MLF1: variants seen among roughly 807,000 people sequenced by gnomAD.
MLF1 encodes the protein myeloid leukemia factor 1.
A neutral mutation model predicts 38.3 loss-of-function variants in MLF1; 37 were observed. The ratio of observed to expected loss-of-function variants is 0.96; its 90% CI spans 0.74 to 1.27. The LOEUF (loss-of-function observed/expected upper bound fraction) is 1.27. Among genes scored for constraint, MLF1 ranks in the 50% most tolerant of loss-of-function variants. The pLI, the probability that MLF1 is intolerant of heterozygous loss-of-function variation, is 0.00. For missense variants in MLF1, 331 were observed against 349.2 expected (o/e 0.95, Z 0.42); for synonymous variants, 95 against 106.5 (o/e 0.89, Z 0.66).
At position 158,571,315 on chromosome 3, in the gene MLF1, G is replaced by C. The variant is rs745394246; in HGVS notation, c.15G>C (p.Leu5=). 47 of 1,612,900 alleles carry C rather than the reference G, an allele frequency of 2.9e-5. No individual in the cohort carries two copies. The highest frequency in any genetic ancestry group is 3.3e-4 in the Middle Eastern group (2 of 6,082). The change falls in exon 1 of 8, where the codon CTG becomes CTC. Residue 5 remains leucine, a synonymous_variant. Coordinates refer to ENST00000466246, the MANE Select transcript of MLF1 (RefSeq NM_001369783.1). MFRM[L]NSSFEDDPFF... is the part of the protein sequence containing the mutation. Reference sequence around the variant, plus strand: ...ACAGAGCCAGAATGTTCAGGATGCTGAACAGCAGTTTTGAGGATGACCCCT... The same window carrying C: ...ACAGAGCCAGAATGTTCAGGATGCTCAACAGCAGTTTTGAGGATGACCCCT...
chr3:158,585,347 C>T (rs1476390164), intron 1 of MLF1, among the ~76,000 whole-genome samples: 3 of 152,152 alleles, frequency 2.0e-5, no homozygotes, highest in Admixed American at 2.0e-4. Context: ...TCTGCACATA[C>T]TGGTTCCCCT....
chr3:158,597,475 A>G (rs1576681791), intron 4 of MLF1, among the ~76,000 whole-genome samples: 1 of 152,258 alleles, frequency 6.6e-6, no homozygotes, highest in Admixed American at 6.5e-5. Flanking sequence ...GTCCAAATAA[A>G]CTAGTACTAT....
intron 4 of MLF1, 59 bp from the exon 5 acceptor site, chr3:158,598,019 ACT>A: frequency 6.4e-7 from 1 of 1,559,744 alleles, no homozygotes; most frequent in Admixed American, 1.8e-5. Flanking sequence ...ACTTATTTGA[ACT>A]CTCTGGCAAT....
intron 1 of MLF1, among the ~76,000 whole-genome samples, chr3:158,575,313 A>G (rs145948224): frequency 2.8e-3 from 429 of 152,256 alleles, no homozygotes; most frequent in Admixed American, 6.9e-3. Flanking sequence ...AGTGGCCAGA[A>G]CTCTGCTTAC....
rs112630390 is a variant in MLF1 at position 158,578,505 on chromosome 3, A to AACAC, written c.47+7179_47+7182dup. The stretch of plus-strand genomic sequence containing the variant: ...GTACGTATGTACATACATACATACA[A>AACAC]ACACACACACACACACACACACACG... On this transcript the variant is annotated intron_variant, in intron 1 of 7. Coordinates refer to ENST00000466246, the MANE Select transcript of MLF1 (RefSeq NM_001369783.1). Among the ~76,000 whole-genome samples, 402 of 147,382 alleles carry AACAC rather than the reference A, an allele frequency of 2.7e-3. 1 individual carries two copies. The highest frequency in any genetic ancestry group is 9.1e-3 in the African/African-American group (369 of 40,454).
intron 7 of MLF1, among the ~76,000 whole-genome samples, chr3:158,603,323 G>C (rs1720068231): frequency 6.6e-6 from 1 of 152,000 alleles, no homozygotes; most frequent in South Asian, 2.1e-4. Flanking sequence ...AAGGGGAGAG[G>C]GGCTCTATTT....
Position 158,602,827 on chromosome 3 carries a change from G to T in MLF1, c.634G>T (p.Glu212Ter). The change falls in exon 7 of 8, where the codon GAG becomes TAG. Residue 212 changes from glutamate to a stop codon, truncating the protein, a stop_gained. Transcript: ENST00000466246. LOFTEE classifies it high-confidence loss of function. Reference sequence around the variant, plus strand: ...CATAGGTGATGCTCATGCTTTTGATGAGGAGTGGCAAAGTGAGGTTTTGAA... The same window carrying T: ...CATAGGTGATGCTCATGCTTTTGATTAGGAGTGGCAAAGTGAGGTTTTGAA... ...MNESDAHAFD[E>*]EWQSEVLKYK... 1 of 1,613,410 alleles carries T rather than the reference G, an allele frequency of 6.2e-7. No individual in the cohort carries two copies. The highest frequency in any genetic ancestry group is 2.2e-5 in the East Asian group (1 of 44,838).
At chr3:158,588,017 A>AT (rs1717506386) in intron 1 of MLF1, among the ~76,000 whole-genome samples, 1 of 152,004 alleles carries the variant, frequency 6.6e-6, no homozygotes, top group Admixed American at 6.5e-5. Flanking sequence ...AAATAAATTA[A>AT]TTAAATTAAA....
At chr3:158,581,574 T>C (rs185945668) in intron 1 of MLF1, among the ~76,000 whole-genome samples, 8 of 152,282 alleles carry the variant, frequency 5.3e-5, no homozygotes, top group African/African-American at 1.9e-4. Flanking sequence ...CAGAACACTT[T>C]GCCTCCCACA....
In MLF1 at chr3:158,598,021, T is replaced by A. The variant is rs149189200; in HGVS notation, c.325-59T>A. On this transcript the variant is annotated intron_variant, in intron 4 of 7. Coordinates refer to ENST00000466246, the MANE Select transcript of MLF1 (RefSeq NM_001369783.1). ...AGCTAGTGTTGTTACTTATTTGAAC[T>A]CTCTGGCAATAATTATTTATATTTG... 7.8e-4 allele frequency: 1,226 copies of A among 1,569,714 alleles called. 13 individuals are homozygous for A. The African/African-American group carries it at 0.013, about 17-fold the overall frequency.
intron 4 of MLF1, among the ~76,000 whole-genome samples, chr3:158,597,328 A>T (rs889655549): frequency 3.3e-5 from 5 of 151,850 alleles, no homozygotes; most frequent in African/African-American, 4.8e-5. Context: ...TGAACATTTT[A>T]TATGAATTTG....
At chr3:158,603,041 T>A in intron 7 of MLF1, 102 bp downstream of exon 7, 1 of 969,668 alleles carries the variant, frequency 1.0e-6, no homozygotes, top group Non-Finnish European at 1.5e-6. Context: ...TCATCCAAAT[T>A]GTATCCACAG....
At chr3:158,602,544 C>T (rs1002695971) in intron 6 of MLF1, among the ~76,000 whole-genome samples, 1 of 152,028 alleles carries the variant, frequency 6.6e-6, no homozygotes, top group African/African-American at 2.4e-5. Flanking sequence ...GTCAGCTGGT[C>T]CATTGGGTAG....
At chr3:158,596,809 C>A in intron 3 of MLF1, 53 bp from the exon 4 acceptor site, 2 of 1,171,066 alleles carry the variant, frequency 1.7e-6, no homozygotes, top group Non-Finnish European at 2.5e-6. Context: ...GATGTATTTG[C>A]ATCTTTTGTG....
chr3:158,604,477 A>T (rs1720238838), intron 7 of MLF1, among the ~76,000 whole-genome samples: 1 of 152,236 alleles, frequency 6.6e-6, no homozygotes, highest in African/African-American at 2.4e-5. Flanking sequence ...CATTGCTGGT[A>T]CAACTGAAGA....
chr3:158,605,243 C>A lies in MLF1; in HGVS notation c.*41C>A. 6.7e-7 allele frequency: 1 copy of A among 1,494,526 alleles called. No individual in the cohort carries two copies. Among genetic ancestry groups the A allele is most frequent in the Non-Finnish European group, 9.2e-7 (1 of 1,081,764 alleles). The allele number at this position is 1,494,526 out of a possible 1,614,324, so 92.6% of individuals were successfully genotyped here. A position where few individuals can be genotyped will look rare whatever the true frequency, so the allele number is the denominator to read the frequency against. ...ATTTGTTTAGTTTTGATTGTTTTAACAGTTAGTAATGGTGCTGGGTAATAA... is the reference window on the plus strand; with the variant it reads ...ATTTGTTTAGTTTTGATTGTTTTAAAAGTTAGTAATGGTGCTGGGTAATAA... On this transcript the variant is annotated 3_prime_UTR_variant, in exon 8 of 8. Transcript: ENST00000466246.
chr3:158,596,873 C>T lies in MLF1; in HGVS notation c.252C>T (p.Val84=), dbSNP rs1445519100. 7.5e-6 allele frequency: 12 copies of T among 1,607,212 alleles called. No homozygotes were observed. Among genetic ancestry groups the T allele is most frequent in the Admixed American group, 1.7e-5 (1 of 59,736 alleles). The change falls in exon 4 of 8, where the codon GTC becomes GTT. Residue 84 remains valine (V), a synonymous_variant. Transcript: ENST00000466246. Reference sequence around the variant, plus strand: ...CTGATATTCTGTAGCATACAGATGTCAGCTCTTTCCAGACAATGGACCAAA... The same window carrying T: ...CTGATATTCTGTAGCATACAGATGTTAGCTCTTTCCAGACAATGGACCAAA... ...FGDFGGMHTD[V]SSFQTMDQMV... is the part of the protein sequence containing the mutation.
At chr3:158,586,106 G>A (rs13091593) in intron 1 of MLF1, among the ~76,000 whole-genome samples, 12,115 of 151,546 alleles carry the variant, frequency 0.08, 621 homozygotes, top group Middle Eastern at 0.14. Flanking sequence ...GGAGGTTGCA[G>A]TGAGCTGAGA....
At chr3:158,591,553 A>C (rs1718146679) in intron 1 of MLF1, among the ~76,000 whole-genome samples, 1 of 152,278 alleles carries the variant, frequency 6.6e-6, no homozygotes, top group East Asian at 1.9e-4. Flanking sequence ...GAATAACTGA[A>C]GTGGAGAATC....
Sources: allele counts gnomAD v4.1 joint callset (sites outside exome capture counted in the v4.1 genomes callset), GRCh38; gene constraint gnomAD v4.1.1; transcripts MANE v1.5; gene names NCBI Gene and HGNC (gene_info 2026-07-23, HGNC 2026-07-21).